NDUFS1: variants seen among roughly 807,000 people sequenced by gnomAD.
The protein encoded by NDUFS1 is NADH-ubiquinone oxidoreductase 75 kDa subunit, mitochondrial.
In NDUFS1, 61 loss-of-function variants were observed where a neutral mutation model predicts 84.4. The observed-to-expected ratio is 0.72, with a 90% CI of 0.59 to 0.89. The LOEUF (loss-of-function observed/expected upper bound fraction) is 0.89, where lower values mean the gene tolerates loss of function less well. Among genes scored for constraint, NDUFS1 ranks in the 40% least tolerant of loss-of-function variants. The pLI is 0.00. For missense variants in NDUFS1, 891 were observed against 890.0 expected (o/e 1.00, Z -0.01); for synonymous variants, 275 against 290.0 (o/e 0.95, Z 0.53).
chr2:206,152,599 A>T lies in NDUFS1; in HGVS notation c.62-89T>A, dbSNP rs1179598896. ...ATGAATTGACTCTAACTACAAACCTAAAATTTTTCATTCCTTATTATTCCT... is the reference window on the plus strand; with the variant it reads ...ATGAATTGACTCTAACTACAAACCTTAAATTTTTCATTCCTTATTATTCCT... On this transcript the variant is annotated intron_variant, in intron 2 of 18. Coordinates refer to ENST00000233190, the MANE Select transcript of NDUFS1 (RefSeq NM_005006.7). The T allele has an allele frequency of 2.7e-5, 30 of 1,118,670 alleles. No individual in the cohort carries two copies. The Admixed American group carries it at 2.8e-4, about 11-fold the overall frequency. The allele number at this position is 1,118,670 out of a possible 1,614,324, so 69.3% of individuals were successfully genotyped here.
chr2:206,130,013 A>C, intron 15 of NDUFS1, 75 bp downstream of exon 15: 1 of 1,566,272 alleles, frequency 6.4e-7, no homozygotes, highest in African/African-American at 1.4e-5. Flanking sequence ...AGTTCACTAA[A>C]TATATTACTA....
chr2:206,136,428 T>G (rs58288469), intron 13 of NDUFS1, among the ~76,000 whole-genome samples: 1,404 of 122,386 alleles, frequency 0.011, 23 homozygotes, highest in East Asian at 0.044. Flanking sequence ...TAGTTGTTGG[T>G]TTTTTTTTTG....
intron 13 of NDUFS1, among the ~76,000 whole-genome samples, chr2:206,136,382 ACC>A (rs1406805192): frequency 7.2e-6 from 1 of 138,230 alleles, no homozygotes; most frequent in East Asian, 2.2e-4. Flanking sequence ...CTACCTCCAG[ACC>A]CCCTTGTGTG....
chr2:206,116,425 A>G lies in NDUFS1; in HGVS notation c.*7760T>C. On this transcript the variant is annotated 3_prime_UTR_variant, in exon 19 of 19. Transcript: ENST00000233190. ...CCAAGCTGCCAGGGCCTCGATAGGC[A>G]GGGCGCGGCAGGTGCCAGGACCACG... 3 of 810,968 alleles carry G rather than the reference A, an allele frequency of 3.7e-6. No homozygotes were observed. Among genetic ancestry groups the G allele is most frequent in the Non-Finnish European group, 6.1e-6 (3 of 492,892 alleles). The allele number at this position is 810,968 out of a possible 1,614,324, so 50.2% of individuals were successfully genotyped here.
rs1691352449 is a variant in NDUFS1 at position 206,127,843 on chromosome 2, G to A, written c.1838C>T (p.Pro613Leu). ...AQQTKVAVTP[P>L]GLAREDWKII... ...TTTCCAGTCTTCTCTTGCCAAGCCA[G>A]GAGGTGTCACTGCTACCTTAGTCTG... Residue 613 changes from proline (P) to leucine (L), a missense_variant, in exon 16 of 19, where the codon CCT becomes CTT. Pro to Leu is a moderately conservative substitution (Grantham distance 98). Coordinates refer to ENST00000233190, the MANE Select transcript of NDUFS1 (RefSeq NM_005006.7). 6.2e-7 allele frequency: 1 copy of A among 1,614,018 alleles called. No individual in the cohort carries two copies. Among genetic ancestry groups the A allele is most frequent in the Admixed American group, 1.7e-5 (1 of 59,992 alleles).
chr2:206,138,523 G>T lies in NDUFS1; in HGVS notation c.1354C>A (p.Leu452Ile), dbSNP rs140530293. The T allele has an allele frequency of 1.2e-5, 20 of 1,614,004 alleles. No homozygotes were observed. Among genetic ancestry groups the T allele is most frequent in the Non-Finnish European group, 1.5e-5 (18 of 1,179,992 alleles). Residue 452 changes from leucine to isoleucine, a missense_variant, in exon 13 of 19, where the codon CTT becomes ATT. By Grantham distance (5) the Leu-to-Ile change is conservative. Transcript: ENST00000233190. ...TGGCTTCCCGAAGCAATGTCTTGAA[G>T]AATTTTGGGGGAGTCTCCCAGGTGG... ...YDHLGDSPKI[L>I]QDIASGSHPF...
At position 206,116,525 on chromosome 2, in the gene NDUFS1, G is replaced by C. The variant is rs1690948260; in HGVS notation, c.*7660C>G. The C allele has an allele frequency of 9.1e-7, 1 of 1,095,840 alleles. No homozygotes were observed. Among genetic ancestry groups the C allele is most frequent in the African/African-American group, 1.6e-5 (1 of 64,306 alleles). 67.9% of individuals were successfully genotyped at this position (1,095,840 alleles called of 1,614,324 possible). ...TGTTCCCAGGGGTGCGGGGATGGCA[G>C]CGCTACGCCTCAGCCACTCGCGCGG... On this transcript the variant is annotated 3_prime_UTR_variant, in exon 19 of 19. Coordinates refer to ENST00000233190, the MANE Select transcript of NDUFS1 (RefSeq NM_005006.7).
rs911115441 is a variant in NDUFS1 at position 206,126,844 on chromosome 2, T to C, written c.1885A>G (p.Ile629Val). ...TCATATGGAAGAGTCATTCCAGCAA[T>C]CTACAACATGTCAGGTCCCCAAAAA... ...DWKIIRALSE[I>V]AGMTLPYDTL... Residue 629 changes from isoleucine to valine, a missense_variant and splice_region_variant, in exon 17 of 19, where the codon ATT (isoleucine) becomes GTT (valine). Ile to Val is a conservative substitution (Grantham distance 29). Transcript: ENST00000233190. 6.2e-7 allele frequency: 1 copy of C among 1,614,060 alleles called. No homozygotes were observed. The highest frequency in any genetic ancestry group is 8.5e-7 in the Non-Finnish European group (1 of 1,180,002).
Position 206,142,059 on chromosome 2 carries a change from G to A in NDUFS1, c.1144C>T (p.Arg382Cys), listed in dbSNP as rs1181556411. The A allele has an allele frequency of 1.8e-5, 29 of 1,595,672 alleles. No individual in the cohort carries two copies. Among genetic ancestry groups the A allele is most frequent in the Admixed American group, 6.7e-5 (4 of 59,906 alleles). ...FPTAGAGTDLRSNYLLNTTIA... is the reference protein window; with the variant it reads ...FPTAGAGTDLCSNYLLNTTIA... The stretch of plus-strand genomic sequence containing the variant: ...GTAGTATTAAGAAGATAATTGGAAC[G>A]CAAATCTGTGCTAGAAATACAATAT... Residue 382 changes from arginine (R) to cysteine (C), a missense_variant, in exon 12 of 19, where the codon CGT (arginine) becomes TGT (cysteine). Arg to Cys is a radical substitution (Grantham distance 180, BLOSUM62 -3). Transcript: ENST00000233190.
chr2:206,159,174 GCCC>G, intron 1 of NDUFS1, 164 bp downstream of exon 1: 3 of 1,534,958 alleles, frequency 2.0e-6, no homozygotes, highest in South Asian at 1.2e-5. Flanking sequence ...GTGGCTAAAA[GCCC>G]CCCATCTGCC....
chr2:206,154,046 G>T (rs1466877795), intron 1 of NDUFS1, among the ~76,000 whole-genome samples: 2 of 152,154 alleles, frequency 1.3e-5, no homozygotes, highest in African/African-American at 4.8e-5. Context: ...GTAAAATAAA[G>T]TTGTCTTTTC....
At position 206,153,737 on chromosome 2, in the gene NDUFS1, G is replaced by A. The variant is rs551663818; in HGVS notation, c.-4-55C>T. 8.7e-6 allele frequency: 8 copies of A among 916,014 alleles called. No homozygotes were observed. The Admixed American group carries it at 1.1e-4, about 13-fold the overall frequency. 56.7% of individuals were successfully genotyped at this position (916,014 alleles called of 1,614,324 possible). On this transcript the variant is annotated intron_variant, in intron 1 of 18. Transcript: ENST00000233190. ...GTAGGGAAAAAAACAATCACCAACT[G>A]TTTGGTAATGTTTTATGGCTTTAAA...
At chr2:206,150,872 C>G (rs1297815563) in intron 3 of NDUFS1, among the ~76,000 whole-genome samples, 1 of 152,042 alleles carries the variant, frequency 6.6e-6, no homozygotes, top group Non-Finnish European at 1.5e-5. Flanking sequence ...TTCTAAAGAA[C>G]TATTTGTCTG....
chr2:206,126,450 A>G (rs1226252682), intron 18 of NDUFS1, 89 bp downstream of exon 18: 2 of 1,182,702 alleles, frequency 1.7e-6, no homozygotes, highest in Non-Finnish European at 2.5e-6. Flanking sequence ...AACACTATCA[A>G]TCACAAATTG....
intron 12 of NDUFS1, among the ~76,000 whole-genome samples, chr2:206,141,394 C>T (rs1192796563): frequency 6.6e-6 from 1 of 150,994 alleles, no homozygotes; most frequent in Non-Finnish European, 1.5e-5. Flanking sequence ...AAGCTGGGTG[C>T]AGGGGCGGGC....
At chr2:206,126,921 A>G (rs1691316399) in intron 16 of NDUFS1, 77 bp from the exon 17 acceptor site, 6 of 1,556,910 alleles carry the variant, frequency 3.9e-6, no homozygotes, top group African/African-American at 1.4e-5. Context: ...AATTGTAACT[A>G]TGGTGAAATA....
chr2:206,146,588 T>C (rs1167694704), intron 8 of NDUFS1, among the ~76,000 whole-genome samples: 1 of 152,142 alleles, frequency 6.6e-6, no homozygotes, highest in African/African-American at 2.4e-5. Context: ...TTCCTCATAG[T>C]TGAAAACTTA....
At position 206,115,590 on chromosome 2, in the gene NDUFS1, C is replaced by T; in HGVS notation, c.*8595G>A. The T allele has an allele frequency of 5.4e-6, 1 of 185,828 alleles. No homozygotes were observed. Among genetic ancestry groups the T allele is most frequent in the Non-Finnish European group, 1.1e-5 (1 of 90,250 alleles). 11.5% of individuals were successfully genotyped at this position (185,828 alleles called of 1,614,324 possible). Reference sequence around the variant, plus strand: ...AAGAAGTGAGTATTTTATTATTTTGCTGTACAGCTGTTGCTTCACTATATA... The same window carrying T: ...AAGAAGTGAGTATTTTATTATTTTGTTGTACAGCTGTTGCTTCACTATATA... On this transcript the variant is annotated 3_prime_UTR_variant, in exon 19 of 19. Transcript: ENST00000233190.
At chr2:206,150,315 T>C (rs1480187892) in intron 3 of NDUFS1, among the ~76,000 whole-genome samples, 1 of 152,200 alleles carries the variant, frequency 6.6e-6, no homozygotes, top group African/African-American at 2.4e-5. Context: ...CACTACACAT[T>C]ATCTAGCTGG....
Sources: gnomAD v4.1 joint callset for allele counts (sites outside exome capture counted in the v4.1 genomes callset) on GRCh38, gnomAD v4.1.1 for gene constraint, MANE v1.5 for transcripts, NCBI Gene and HGNC (gene_info 2026-07-23, HGNC 2026-07-21) for gene names.